The following SIL1 variants were observed in gnomAD, a reference collection of about 807,000 sequenced individuals.
SIL1 encodes the protein nucleotide exchange factor SIL1.
SIL1 carries 40 observed loss-of-function variants against 49.1 expected under a neutral mutation model. The observed-to-expected ratio is 0.81, with a 90% CI of 0.63 to 1.06. SIL1 has a LOEUF of 1.06. Ranked by LOEUF, SIL1 falls within the 50% of genes least tolerant of loss-of-function variation. The probability of loss-of-function intolerance (pLI) is 0.00; values close to 1 mark genes in which losing one functional copy is unlikely to be tolerated. For synonymous variants in SIL1, 253 were observed against 250.8 expected (o/e 1.01, Z -0.08); for missense variants, 500 against 572.6 (o/e 0.87, Z 1.29).
At chr5:139,197,067 G>A (rs1037992444) in intron 1 of SIL1, among the ~76,000 whole-genome samples, 1 of 151,984 alleles carries the variant, frequency 6.6e-6, no homozygotes, top group African/African-American at 2.4e-5. Context: ...TCAGGAGTTC[G>A]AGACCAGCCT....
At chr5:139,052,162 G>C (rs1769303449) in intron 3 of SIL1, among the ~76,000 whole-genome samples, 1 of 152,142 alleles carries the variant, frequency 6.6e-6, no homozygotes, top group African/African-American at 2.4e-5. Flanking sequence ...TAATGATATA[G>C]GCAAGTATTC....
intron 1 of SIL1, among the ~76,000 whole-genome samples, chr5:139,173,080 T>G (rs1314765930): frequency 6.6e-6 from 1 of 152,160 alleles, no homozygotes; most frequent in Non-Finnish European, 1.5e-5. Context: ...ACGTGTAAGA[T>G]GCAATATCAT....
In SIL1 at chr5:139,137,385, C is replaced by CT. The variant is rs1483869396; in HGVS notation, c.-10-9533_-10-9532insA. ...GAGTCAGAATTCAAAGCCAGTTTGG[C>CT]CCCAAAGCCATGCTCTTTCCATAGC... On this transcript the variant is annotated intron_variant, in intron 1 of 9. Transcript: ENST00000394817. 10 of 550,188 alleles carry CT rather than the reference C, an allele frequency of 1.8e-5. No individual in the cohort carries two copies. The Admixed American group carries it at 2.6e-4, about 14-fold the overall frequency. 34.1% of individuals were successfully genotyped at this position (550,188 alleles called of 1,614,324 possible).
In SIL1 at chr5:139,148,975, A is replaced by G. The variant is rs995555606; in HGVS notation, c.-10-21122T>C. ...AGCCACTGCAGCCCCTGGTAATGCC[A>G]GCGGAAAACACTGGGTAGAAGAAGC... On this transcript the variant is annotated intron_variant, in intron 1 of 9. Transcript: ENST00000394817. 2.0e-5 allele frequency among the ~76,000 whole-genome samples: 3 copies of G among 152,192 alleles called. No individual in the cohort carries two copies. In the East Asian group the frequency reaches 5.8e-4, roughly 29 times the overall value.
intron 4 of SIL1, among the ~76,000 whole-genome samples, chr5:139,044,216 G>A (rs1181307685): frequency 6.6e-6 from 1 of 152,034 alleles, no homozygotes; most frequent in African/African-American, 2.4e-5. Context: ...TACAAAGTAG[G>A]GAGAGAATCC....
At chr5:139,194,255 T>C (rs543730449) in intron 1 of SIL1, among the ~76,000 whole-genome samples, 1 of 152,232 alleles carries the variant, frequency 6.6e-6, no homozygotes, top group South Asian at 2.1e-4. Flanking sequence ...GCTAGGAAAA[T>C]TCCTAGCTTG....
intron 3 of SIL1, among the ~76,000 whole-genome samples, chr5:139,055,916 G>A (rs1057269988): frequency 3.3e-5 from 5 of 152,002 alleles, no homozygotes; most frequent in Admixed American, 6.6e-5. Context: ...CGAGTGATCC[G>A]CCAGCCTCGA....
chr5:139,134,871 A>C (rs918750542), intron 1 of SIL1, among the ~76,000 whole-genome samples: 3 of 152,094 alleles, frequency 2.0e-5, no homozygotes, highest in African/African-American at 7.2e-5. Flanking sequence ...GGCTGCACAA[A>C]CTCATATGCA....
rs77841297 is a variant in SIL1 at position 139,043,458 on chromosome 5, C to T, written c.354-739G>A. Among the ~76,000 whole-genome samples, 209 of 152,304 alleles carry T rather than the reference C, an allele frequency of 1.4e-3. 2 individuals carry two copies. The highest frequency in any genetic ancestry group is 0.012 in the East Asian group (64 of 5,180). ...TGCCTGAACTGATTAGACAAGGCAG[C>T]CTGTCTTTACAAAAACAAGTTGGAT... On this transcript the variant is annotated intron_variant, in intron 4 of 9. Coordinates refer to ENST00000394817, the MANE Select transcript of SIL1 (RefSeq NM_022464.5).
intron 5 of SIL1, among the ~76,000 whole-genome samples, chr5:139,027,262 T>A (rs1015038283): frequency 1.3e-5 from 2 of 152,218 alleles, no homozygotes; most frequent in Non-Finnish European, 2.9e-5. Flanking sequence ...TCAGGAAGAA[T>A]AGAAAGGCTT....
intron 1 of SIL1, among the ~76,000 whole-genome samples, chr5:139,134,931 A>G (rs1750941311): frequency 6.6e-6 from 1 of 152,204 alleles, no homozygotes; most frequent in South Asian, 2.1e-4. Context: ...TACCTAATTT[A>G]AGCAGACAAA....
intron 7 of SIL1, among the ~76,000 whole-genome samples, chr5:139,003,815 C>G (rs1768047935): frequency 6.6e-6 from 1 of 152,196 alleles, no homozygotes; most frequent in Non-Finnish European, 1.5e-5. Context: ...TTCCATTCTT[C>G]TCTTTGCTTC....
At chr5:139,055,408 T>C (rs1376710797) in intron 3 of SIL1, among the ~76,000 whole-genome samples, 1 of 152,162 alleles carries the variant, frequency 6.6e-6, no homozygotes, top group Non-Finnish European at 1.5e-5. Context: ...TCACACTCTC[T>C]GCCATGTGAC....
intron 3 of SIL1, among the ~76,000 whole-genome samples, chr5:139,052,828 C>G (rs1769320291): frequency 6.6e-6 from 1 of 152,130 alleles, no homozygotes; most frequent in Admixed American, 6.5e-5. Context: ...TGCAAATGCA[C>G]TGACACGGAA....
chr5:139,179,761 A>AG (rs1751949723), intron 1 of SIL1, among the ~76,000 whole-genome samples: 1 of 152,194 alleles, frequency 6.6e-6, no homozygotes, highest in South Asian at 2.1e-4. Context: ...GGTAAGGTCA[A>AG]GGGTCACACC....
intron 7 of SIL1, among the ~76,000 whole-genome samples, chr5:138,995,335 C>T (rs1201830598): frequency 1.3e-5 from 2 of 151,562 alleles, no homozygotes; most frequent in Non-Finnish European, 2.9e-5. Context: ...ACAACCTCTG[C>T]CTCCCAGGTT....
At chr5:139,075,124 G>C (rs1408638924) in intron 3 of SIL1, among the ~76,000 whole-genome samples, 1 of 152,134 alleles carries the variant, frequency 6.6e-6, no homozygotes, top group African/African-American at 2.4e-5. Flanking sequence ...TGCCTGGCCA[G>C]AATCTCTTTT....
intron 3 of SIL1, among the ~76,000 whole-genome samples, chr5:139,062,302 T>C (rs940268848): frequency 6.6e-6 from 1 of 152,142 alleles, no homozygotes; most frequent in Non-Finnish European, 1.5e-5. Context: ...TATTTATGTA[T>C]TTTTTAGAAG....
At position 139,112,176 on chromosome 5, in the gene SIL1, G is replaced by A. The variant is rs1038621654; in HGVS notation, c.244+8859C>T. 1.5e-4 allele frequency among the ~76,000 whole-genome samples: 23 copies of A among 152,354 alleles called. 1 individual carries two copies. The South Asian group carries it at 4.3e-3, about 29-fold the overall frequency. On this transcript the variant is annotated intron_variant, in intron 3 of 9. Transcript: ENST00000394817. Reference sequence around the variant, plus strand: ...ATGTTGCCCAGGCTGGAGTGCAGTGGCGTGATCTCAGCTAGCTACAACCTC... The same window carrying A: ...ATGTTGCCCAGGCTGGAGTGCAGTGACGTGATCTCAGCTAGCTACAACCTC...
Sources: gnomAD v4.1 joint callset for allele counts (sites outside exome capture counted in the v4.1 genomes callset) on GRCh38, gnomAD v4.1.1 for gene constraint, MANE v1.5 for transcripts, NCBI Gene and HGNC (gene_info 2026-07-23, HGNC 2026-07-21) for gene names.